Variants in BCL7A observed in about 807,000 individuals in gnomAD.
The protein encoded by BCL7A is B-cell CLL/lymphoma 7 protein family member A.
Under a neutral mutation model 28.4 loss-of-function variants are expected in BCL7A, and 11 were observed. The observed-to-expected ratio is 0.39, with a 90% confidence interval of 0.24 to 0.64. The LOEUF is 0.64. Among genes scored for constraint, BCL7A ranks in the 30% least tolerant of loss-of-function variants. BCL7A has a pLI of 0.50. For synonymous variants in BCL7A, 123 were observed against 103.3 expected, an observed-to-expected ratio of 1.19 and a Z score of -1.15; for missense variants, 222 against 274.8, an observed-to-expected ratio of 0.81 and a Z score of 1.36.
intron 4 of BCL7A, among the ~76,000 whole-genome samples, chr12:122,049,017 TAAAAA>T (rs60471036): frequency 1.1e-3 from 102 of 90,404 alleles, no homozygotes; most frequent in African/African-American, 1.5e-3. Flanking sequence ...GTGAAACGTG[TAAAAA>T]AAAAAAAAAA....
chr12:122,043,091 C>T (rs1883992932), intron 3 of BCL7A, among the ~76,000 whole-genome samples: 1 of 151,722 alleles, frequency 6.6e-6, no homozygotes, highest in Non-Finnish European at 1.5e-5. Context: ...CGCTGTCTCT[C>T]TCTCCCTTTT....
rs996375988 is a variant in BCL7A, at chr12:122,029,600, A to G, written c.93-1100A>G. Among the ~76,000 whole-genome samples the G allele has an allele frequency of 6.6e-6, 1 of 152,296 alleles. No individual in the cohort carries two copies. Among genetic ancestry groups the G allele is most frequent in the Non-Finnish European group, 1.5e-5 (1 of 68,022 alleles). On this transcript the variant is annotated intron_variant, in intron 1 of 5. Transcript: ENST00000261822. The surrounding 1 kb of genome is among the most constrained non-coding windows in gnomAD (Gnocchi z 4.3). The stretch of plus-strand genomic sequence containing the variant: ...CTGTACCAGGGGTGCGCCTGCCCCA[A>G]CAGTGCCTGCTGGGCCCCTTAAATC...
intron 3 of BCL7A, among the ~76,000 whole-genome samples, chr12:122,035,834 GTTTGTTTTGT>G (rs1285615585): frequency 6.6e-6 from 1 of 152,008 alleles, no homozygotes; most frequent in Non-Finnish European, 1.5e-5. Context: ...GATTTTGTTT[GTTTGTTTTGT>G]TTTGTTTTGT....
intron 4 of BCL7A, among the ~76,000 whole-genome samples, chr12:122,052,657 TTTTTGTTTTTTTATTG>T (rs959520581): frequency 3.3e-5 from 5 of 152,056 alleles, no homozygotes; most frequent in African/African-American, 9.7e-5. Context: ...GTTTTCTTTC[TTTTTGTTTTTTTATTG>T]TTTTGTTTTT....
chr12:122,025,025 T>C (rs1252190420), intron 1 of BCL7A, among the ~76,000 whole-genome samples: 1 of 150,778 alleles, frequency 6.6e-6, no homozygotes, highest in East Asian at 2.0e-4. Flanking sequence ...CCTCCTGTTC[T>C]CTTTTTCTGG....
At position 122,060,938 on chromosome 12, in the gene BCL7A, G is replaced by A. The variant is rs1951915896; in HGVS notation, c.*1775G>A. On this transcript the variant is annotated 3_prime_UTR_variant, in exon 6 of 6. Coordinates refer to ENST00000261822, the MANE Select transcript of BCL7A (RefSeq NM_001024808.3). ...TTTGAAAATCTTAATGTTGAAGTTAGCAATGCCGAAAGGTTTCTGTCTTAA... is the reference window on the plus strand; with the variant it reads ...TTTGAAAATCTTAATGTTGAAGTTAACAATGCCGAAAGGTTTCTGTCTTAA... The A allele has an allele frequency of 4.4e-6, 1 of 225,126 alleles. No individual in the cohort carries two copies. The highest frequency in any genetic ancestry group is 1.8e-4 in the South Asian group (1 of 5,452). The allele number at this position is 225,126 out of a possible 1,614,324, so 13.9% of individuals were successfully genotyped here.
chr12:122,030,672 G>A (rs370360148), intron 1 of BCL7A, 28 bp from the exon 2 acceptor site: 65 of 1,599,982 alleles, frequency 4.1e-5, no homozygotes, highest in Admixed American at 1.0e-4. Context: ...AGAGTCCCCG[G>A]TAACAGGCTC....
intron 4 of BCL7A, among the ~76,000 whole-genome samples, chr12:122,049,926 C>G (rs1884156405): frequency 6.6e-6 from 1 of 152,068 alleles, no homozygotes; most frequent in Non-Finnish European, 1.5e-5. Flanking sequence ...GATGACACCA[C>G]TAGCACAGGG....
chr12:122,044,096 A>G (rs1017593214), intron 4 of BCL7A, 43 bp downstream of exon 4: 36 of 1,583,480 alleles, frequency 2.3e-5, no homozygotes, highest in Non-Finnish European at 2.7e-5. Flanking sequence ...CCTCCCTGTA[A>G]CCGGCCTTCA....
chr12:122,022,245 A>C (rs2135832850), intron 1 of BCL7A, 62 bp downstream of exon 1: 1 of 1,100,256 alleles, frequency 9.1e-7, no homozygotes, highest in African/African-American at 1.8e-5. Context: ...GCGCGGCTCC[A>C]GAGAGCCGCG....
chr12:122,038,431 C>CACAAAAAAAAAA (rs1883900095), intron 3 of BCL7A, among the ~76,000 whole-genome samples: 2 of 33,554 alleles, frequency 6.0e-5, no homozygotes, highest in African/African-American at 7.4e-5. Context: ...GACTCTGCCT[C>CACAAAAAAAAAA]AAAAAAAAAA....
In BCL7A at chr12:122,059,252, GGT is replaced by G; in HGVS notation, c.*91_*92del. The G allele has an allele frequency of 1.6e-6, 2 of 1,255,498 alleles. No homozygotes were observed. The highest frequency in any genetic ancestry group is 1.9e-4 in the Middle Eastern group (1 of 5,310). The allele number at this position is 1,255,498 out of a possible 1,614,324, so 77.8% of individuals were successfully genotyped here. ...AACTTTGCCCCAGCGATTCCTCTTGGGTGCGAACAGAACTACTAACGTTTCAA... is the reference window on the plus strand; with the variant it reads ...AACTTTGCCCCAGCGATTCCTCTTGGGCGAACAGAACTACTAACGTTTCAA... On this transcript the variant is annotated 3_prime_UTR_variant, in exon 6 of 6. Coordinates refer to ENST00000261822, the MANE Select transcript of BCL7A (RefSeq NM_001024808.3). The surrounding 1 kb of genome is among the most constrained non-coding windows in gnomAD (Gnocchi z 4.0).
chr12:122,055,033 G>A lies in BCL7A; in HGVS notation c.561+107G>A, dbSNP rs745592544. On this transcript the variant is annotated intron_variant, in intron 5 of 5. Coordinates refer to ENST00000261822, the MANE Select transcript of BCL7A (RefSeq NM_001024808.3). ...CGTCATTGTGTTTTGTTGTTTTGTC[G>A]TTGGACCATTGGAACTGTCATTTGT... 8 of 1,595,212 alleles carry A rather than the reference G, an allele frequency of 5.0e-6. No homozygotes were observed. In the Admixed American group the frequency reaches 5.1e-5, roughly 10 times the overall value.
chr12:122,025,268 C>T (rs1035820309), intron 1 of BCL7A, among the ~76,000 whole-genome samples: 1 of 150,990 alleles, frequency 6.6e-6, no homozygotes, highest in African/African-American at 2.4e-5. Flanking sequence ...GAGGCTGAGA[C>T]AGGAGGATTG....
chr12:122,030,129 T>C (rs1883710005), intron 1 of BCL7A, among the ~76,000 whole-genome samples: 1 of 152,050 alleles, frequency 6.6e-6, no homozygotes, highest in Admixed American at 6.6e-5. Context: ...CTGTGTAACC[T>C]CCTTTCGGGC....
In BCL7A at chr12:122,061,629, G is replaced by C. The variant is rs192808949; in HGVS notation, c.*2466G>C. The stretch of plus-strand genomic sequence containing the variant: ...ACCTTTCAGCTTCGAGCCAGGGGGC[G>C]GGGGATCCCGAGCAAAAGCCTTCCG... On this transcript the variant is annotated 3_prime_UTR_variant, in exon 6 of 6. Transcript: ENST00000261822. The C allele has an allele frequency of 1.0e-4, 24 of 228,962 alleles. 1 individual carries two copies. The Admixed American group carries it at 1.1e-3, about 10-fold the overall frequency. The allele number at this position is 228,962 out of a possible 1,614,324, so 14.2% of individuals were successfully genotyped here. A position where few individuals can be genotyped will look rare whatever the true frequency, so the allele number is the denominator to read the frequency against.
rs576957091 is a variant in BCL7A at position 122,050,005 on chromosome 12, C to T, written c.440-4800C>T. 3.9e-5 allele frequency among the ~76,000 whole-genome samples: 6 copies of T among 152,216 alleles called. No individual in the cohort carries two copies. The East Asian group carries it at 9.7e-4, about 25-fold the overall frequency. On this transcript the variant is annotated intron_variant, in intron 4 of 5. Transcript: ENST00000261822. ...TTTTTGTTTTTCTGAGACGGAGTCT[C>T]GCTGTGTCACCCAGGGCGGAGTGCA... is the stretch of plus-strand genomic sequence containing the variant.
At position 122,033,013 on chromosome 12, in the gene BCL7A, A is replaced by G. The variant is rs184025426; in HGVS notation, c.174+2232A>G. On this transcript the variant is annotated intron_variant, in intron 2 of 5. Coordinates refer to ENST00000261822, the MANE Select transcript of BCL7A (RefSeq NM_001024808.3). ...ATTGTTTTAAACACTCAGTATCTAT[A>G]TGGTTATATCCATTTGTTACTTTAG... Among the ~76,000 whole-genome samples the G allele has an allele frequency of 1.4e-3, 207 of 152,300 alleles. 1 individual carries two copies. The highest frequency in any genetic ancestry group is 2.3e-3 in the Admixed American group (35 of 15,290).
intron 4 of BCL7A, among the ~76,000 whole-genome samples, chr12:122,050,048 C>T (rs1281121442): frequency 6.6e-6 from 1 of 152,174 alleles, no homozygotes; most frequent in Non-Finnish European, 1.5e-5. Flanking sequence ...AATCTGGGCT[C>T]ATTGCAACCT....
Sources: gnomAD v4.1 joint callset for allele counts (sites outside exome capture counted in the v4.1 genomes callset) on GRCh38, gnomAD v4.1.1 for gene constraint, Gnocchi (gnomAD v3.1) non-coding constraint, MANE v1.5 for transcripts, NCBI Gene and HGNC (gene_info 2026-07-23, HGNC 2026-07-21) for gene names.